The following ANAPC15 variants were observed in gnomAD, a reference collection of about 807,000 sequenced individuals.
The protein encoded by ANAPC15 is anaphase promoting complex subunit 15.
ANAPC15 carries 13 observed loss-of-function variants against 19.8 expected under a neutral mutation model. The ratio of observed to expected loss-of-function variants is 0.66; its 90% CI spans 0.43 to 1.04. The LOEUF (loss-of-function observed/expected upper bound fraction) is 1.04. Ranked by LOEUF, ANAPC15 falls within the 50% of genes least tolerant of loss-of-function variation. The pLI is 0.00. For synonymous variants in ANAPC15, 45 were observed against 50.7 expected (o/e 0.89, Z 0.47); for missense variants, 88 against 150.3 (o/e 0.59, Z 2.17).
At chr11:72,110,523 C>T in intron 4 of ANAPC15, 21 bp downstream of exon 4, 3 of 1,614,092 alleles carry the variant, frequency 1.9e-6, no homozygotes, top group Non-Finnish European at 2.5e-6. Context: ...CACACAGGCC[C>T]CACCTGCTAG....
At chr11:72,111,344 T>A in intron 2 of ANAPC15, 58 bp from the exon 3 acceptor site, 1 of 1,364,518 alleles carries the variant, frequency 7.3e-7, no homozygotes, top group Non-Finnish European at 1.0e-6. Context: ...AATTTGGTTG[T>A]AATTTGATTT....
At chr11:72,111,107 A>AGGTCTCTTTCTGTGCTGG in intron 3 of ANAPC15, 50 bp downstream of exon 3, 1 of 1,051,884 alleles carries the variant, frequency 9.5e-7, no homozygotes, top group Non-Finnish European at 1.3e-6. Context: ...CCACTGAAGG[A>AGGTCTCTTTCTGTGCTGG]GGTCTCTGTC....
At chr11:72,111,013 T>C in intron 3 of ANAPC15, 144 bp downstream of exon 3, 1 of 662,808 alleles carries the variant, frequency 1.5e-6, no homozygotes, top group Non-Finnish European at 2.6e-6. Context: ...GAACCTTGGC[T>C]CCCTGGCTCC....
At chr11:72,109,124 T>C, downstream of ANAPC15, 1 of 582,874 alleles carries the variant, frequency 1.7e-6, no homozygotes, top group African/African-American at 1.9e-5. Context: ...TTGGTCTCAC[T>C]AGGCCCCCTC....
chr11:72,111,322 G>A (rs1477602115), intron 2 of ANAPC15, 36 bp from the exon 3 acceptor site: 1 of 1,502,454 alleles, frequency 6.7e-7, no homozygotes. Flanking sequence ...GTTTTGCTTT[G>A]TTTTTGTTTT....
chr11:72,108,828 G>A, downstream of ANAPC15: 1 of 1,550,626 alleles, frequency 6.4e-7, no homozygotes, highest in East Asian at 2.4e-5. Context: ...GCTAAGAGCT[G>A]TGGCCGCTAC....
At chr11:72,110,490 G>C (rs1470568154) in intron 4 of ANAPC15, 54 bp downstream of exon 4, 1 of 1,608,300 alleles carries the variant, frequency 6.2e-7, no homozygotes, top group Non-Finnish European at 8.5e-7. Context: ...AATTAGAGCA[G>C]AGCCTCGGTC....
At position 72,110,725 on chromosome 11, in the gene ANAPC15, T is replaced by C; in HGVS notation, c.121-122A>G. 5.0e-6 allele frequency: 5 copies of C among 990,154 alleles called. No homozygotes were observed. In the East Asian group the frequency reaches 1.3e-4, roughly 25 times the overall value. The allele number at this position is 990,154 out of a possible 1,614,324, so 61.3% of individuals were successfully genotyped here. A position where few individuals can be genotyped will look rare whatever the true frequency, so the allele number is the denominator to read the frequency against. ...TGTTGGGGAGAAGCTTCCTCCCAGT[T>C]CTCAGGGAGATACAATCCCTTTCTT... On this transcript the variant is annotated intron_variant, in intron 3 of 5. Transcript: ENST00000227618.
downstream of ANAPC15, chr11:72,106,478 C>G (rs1299095586): frequency 8.3e-6 from 3 of 363,628 alleles, no homozygotes; most frequent in Non-Finnish European, 1.5e-5. Context: ...ATGCTGGCCT[C>G]AAAGGAACCA....
At chr11:72,111,087 G>A in intron 3 of ANAPC15, 70 bp downstream of exon 3, 3 of 1,082,370 alleles carry the variant, frequency 2.8e-6, no homozygotes, top group East Asian at 4.8e-5. Context: ...GAGTAAGGCT[G>A]GGTCATGGCC....
chr11:72,112,446 G>A (rs1947272729), intron 1 of ANAPC15: 1 of 273,844 alleles, frequency 3.7e-6, no homozygotes, highest in South Asian at 2.9e-5. Flanking sequence ...CTGGGTGACA[G>A]GAAGTGACAC....
At chr11:72,109,375 G>C (rs1358989690), downstream of ANAPC15, 2 of 462,254 alleles carry the variant, frequency 4.3e-6, no homozygotes, top group Non-Finnish European at 8.6e-6. Flanking sequence ...CAATGAGTTA[G>C]ACGCCCTGCA....
At chr11:72,111,781 G>A (rs1947028898) in intron 1 of ANAPC15, 1 of 154,974 alleles carries the variant, frequency 6.5e-6, no homozygotes, top group South Asian at 1.8e-4. Flanking sequence ...AGAAATTTAG[G>A]ACACTAACGA....
downstream of ANAPC15, chr11:72,108,030 G>C: frequency 6.4e-7 from 1 of 1,551,518 alleles, no homozygotes; most frequent in Non-Finnish European, 8.7e-7. Context: ...CCTGCCCCCT[G>C]GGGGTCGCCT....
chr11:72,109,337 C>A (rs574163705), downstream of ANAPC15: 63 of 466,620 alleles, frequency 1.4e-4, no homozygotes, highest in Admixed American at 3.0e-4. Flanking sequence ...TCAGCCCATG[C>A]CATTCTGGGT....
At chr11:72,110,353 G>T in intron 4 of ANAPC15, 128 bp from the exon 5 acceptor site, 1 of 1,558,332 alleles carries the variant, frequency 6.4e-7, no homozygotes, top group Non-Finnish European at 8.7e-7. Context: ...CTTGAGTCTA[G>T]CAGGCTGGTG....
At position 72,109,762 on chromosome 11, in the gene ANAPC15, C is replaced by T; in HGVS notation, c.*119G>A. On this transcript the variant is annotated 3_prime_UTR_variant, in exon 6 of 6. Coordinates refer to ENST00000227618, the MANE Select transcript of ANAPC15 (RefSeq NM_014042.3). ...TCCTGGCAGCAGCTGAGGAGGTGCCCAAGGGCACTTTCAGGCACTGGGGCC... is the reference window on the plus strand; with the variant it reads ...TCCTGGCAGCAGCTGAGGAGGTGCCTAAGGGCACTTTCAGGCACTGGGGCC... 1 of 1,307,236 alleles carries T rather than the reference C, an allele frequency of 7.6e-7. No individual in the cohort carries two copies. The highest frequency in any genetic ancestry group is 1.2e-5 in the South Asian group (1 of 82,410). 81.0% of individuals were successfully genotyped at this position (1,307,236 alleles called of 1,614,324 possible).
downstream of ANAPC15, chr11:72,109,549 C>A: frequency 2.3e-6 from 1 of 440,434 alleles, no homozygotes; most frequent in South Asian, 2.1e-5. Flanking sequence ...ATGCTGGACT[C>A]CTCTGGGCCC....
intron 3 of ANAPC15, 44 bp downstream of exon 3, chr11:72,111,113 C>T (rs768187962): frequency 7.4e-7 from 1 of 1,347,328 alleles, no homozygotes; most frequent in Non-Finnish European, 1.1e-6. Context: ...AAGGAGGTCT[C>T]TGTCTGTGCT....
Sources: gnomAD v4.1 joint callset for allele counts on GRCh38, gnomAD v4.1.1 for gene constraint, MANE v1.5 for transcripts, NCBI Gene and HGNC (gene_info 2026-07-23, HGNC 2026-07-21) for gene names.